DYM: variants seen among roughly 807,000 people sequenced by gnomAD.
DYM encodes dymeclin.
In DYM, 78 loss-of-function variants were observed where a neutral mutation model predicts 93.1. The ratio of observed to expected loss-of-function variants is 0.84; its 90% CI spans 0.70 to 1.01. The LOEUF (loss-of-function observed/expected upper bound fraction) is 1.01, where lower values mean the gene tolerates loss of function less well. DYM is among the 50% of genes least tolerant of loss of function. The pLI, the probability that DYM is intolerant of heterozygous loss-of-function variation, is 0.00. For synonymous variants in DYM, 321 were observed against 319.7 expected (o/e 1.00, Z -0.04); for missense variants, 789 against 845.0 (o/e 0.93, Z 0.82).
At chr18:49,365,110 G>GA (rs1385028562) in intron 5 of DYM, among the ~76,000 whole-genome samples, 1 of 151,676 alleles carries the variant, frequency 6.6e-6, no homozygotes, top group Admixed American at 6.6e-5. Flanking sequence ...AAGCATCTCA[G>GA]AAAAAATCCA....
chr18:49,152,380 TGGAACTCTCA>T (rs2085917122), intron 15 of DYM, among the ~76,000 whole-genome samples: 1 of 152,198 alleles, frequency 6.6e-6, no homozygotes, highest in Non-Finnish European at 1.5e-5. Context: ...AGAACATTTT[TGGAACTCTCA>T]GGTCCTAGCC....
chr18:49,408,754 T>A (rs1028103056), intron 2 of DYM, among the ~76,000 whole-genome samples: 5 of 152,126 alleles, frequency 3.3e-5, no homozygotes, highest in Non-Finnish European at 5.9e-5. Context: ...GCCATGTAAA[T>A]TTAGAAGGAA....
chr18:49,050,643 C>T (rs1395377838), intron 17 of DYM, among the ~76,000 whole-genome samples: 1 of 151,962 alleles, frequency 6.6e-6, no homozygotes, highest in Non-Finnish European at 1.5e-5. Flanking sequence ...ACAGACAGCC[C>T]AGTAGGAAGC....
intron 1 of DYM, among the ~76,000 whole-genome samples, chr18:49,434,958 A>G (rs2080690813): frequency 6.6e-6 from 1 of 152,188 alleles, no homozygotes; most frequent in Admixed American, 6.5e-5. Flanking sequence ...CTATAATCCC[A>G]GCACTTTAGG....
chr18:49,071,616 C>T (rs1006123264), intron 17 of DYM, among the ~76,000 whole-genome samples: 1 of 152,138 alleles, frequency 6.6e-6, no homozygotes, highest in Non-Finnish European at 1.5e-5. Flanking sequence ...TTTAGCAAAT[C>T]GGAGCTACAA....
At chr18:49,455,181 T>C (rs1432066150) in intron 1 of DYM, among the ~76,000 whole-genome samples, 7 of 152,204 alleles carry the variant, frequency 4.6e-5, no homozygotes, top group Non-Finnish European at 7.3e-5. Context: ...GACTTCCAGA[T>C]TGATGAATTC....
intron 17 of DYM, among the ~76,000 whole-genome samples, chr18:49,095,323 G>T (rs548111313): frequency 1.3e-5 from 2 of 152,166 alleles, no homozygotes; most frequent in East Asian, 3.9e-4. Flanking sequence ...AGGATAAACA[G>T]CCTTTTATTT....
At chr18:49,252,791 G>A (rs1021960071) in intron 13 of DYM, among the ~76,000 whole-genome samples, 2 of 152,200 alleles carry the variant, frequency 1.3e-5, no homozygotes, top group African/African-American at 4.8e-5. Context: ...AGTCTTAAGG[G>A]CTGGAAGTAA....
At chr18:49,099,573 T>C (rs1035789222) in intron 16 of DYM, among the ~76,000 whole-genome samples, 4 of 152,050 alleles carry the variant, frequency 2.6e-5, no homozygotes, top group African/African-American at 9.7e-5. Context: ...ATAAAATAAA[T>C]TTAAAAGAAT....
intron 1 of DYM, among the ~76,000 whole-genome samples, chr18:49,441,672 G>C (rs966525622): frequency 7.9e-5 from 12 of 152,056 alleles, no homozygotes; most frequent in Middle Eastern, 3.4e-3. Flanking sequence ...AGGTGACAGA[G>C]GAGTGTACCT....
intron 10 of DYM, among the ~76,000 whole-genome samples, chr18:49,278,815 T>A (rs1458099372): frequency 6.6e-6 from 1 of 152,092 alleles, no homozygotes; most frequent in East Asian, 1.9e-4. Context: ...CAGCTATGAC[T>A]GAAGCCAAAA....
At chr18:49,345,514 G>A (rs967604162) in intron 6 of DYM, among the ~76,000 whole-genome samples, 1 of 152,092 alleles carries the variant, frequency 6.6e-6, no homozygotes, top group Admixed American at 6.6e-5. Context: ...AGAGGGCCCA[G>A]CACACGCAGT....
At chr18:49,272,104 A>C (rs2051327) in intron 11 of DYM, 74 bp downstream of exon 11, 57,248 of 1,357,370 alleles carry the variant, frequency 0.042, 1,507 homozygotes, top group South Asian at 0.071. Flanking sequence ...AAGAAATGTA[A>C]AGACTAGTAA....
chr18:49,186,885 G>A (rs921836816), intron 14 of DYM, among the ~76,000 whole-genome samples: 3 of 151,404 alleles, frequency 2.0e-5, no homozygotes, highest in Admixed American at 6.6e-5. Flanking sequence ...ATTGTCAAAA[G>A]GGAGATCATA....
chr18:49,243,068 C>T (rs1255080700), intron 13 of DYM, among the ~76,000 whole-genome samples: 1 of 152,148 alleles, frequency 6.6e-6, no homozygotes. Context: ...AAAGAGCTGC[C>T]TCCTCGCTAC....
chr18:49,074,743 C>A (rs1357636175), intron 17 of DYM, among the ~76,000 whole-genome samples: 1 of 152,152 alleles, frequency 6.6e-6, no homozygotes, highest in East Asian at 1.9e-4. Context: ...AAAGCTGAGA[C>A]CTCTACTTAA....
At chr18:49,266,552 A>G (rs879399288) in intron 11 of DYM, among the ~76,000 whole-genome samples, 3 of 152,226 alleles carry the variant, frequency 2.0e-5, no homozygotes, top group Non-Finnish European at 4.4e-5. Context: ...TCAAGGCTAC[A>G]GTGAGCAGCG....
intron 9 of DYM, among the ~76,000 whole-genome samples, chr18:49,286,106 T>C (rs2059646905): frequency 6.6e-6 from 1 of 152,182 alleles, no homozygotes; most frequent in South Asian, 2.1e-4. Context: ...AACACAGACT[T>C]TAACTGAAAA....
chr18:49,396,856 C>T (rs1414758619), intron 2 of DYM, among the ~76,000 whole-genome samples: 2 of 152,082 alleles, frequency 1.3e-5, no homozygotes, highest in Non-Finnish European at 2.9e-5. Context: ...TCTGTGAAAA[C>T]TTAAAAAGTT....
Sources: allele counts gnomAD v4.1 joint callset (sites outside exome capture counted in the v4.1 genomes callset), GRCh38; gene constraint gnomAD v4.1.1; transcripts MANE v1.5; gene names NCBI Gene and HGNC (gene_info 2026-07-23, HGNC 2026-07-21).